The following ZNF224 variants were observed in gnomAD, a reference collection of about 807,000 sequenced individuals.
The protein encoded by ZNF224 is bone marrow zinc finger 2.
In ZNF224, 8 loss-of-function variants were observed where a neutral mutation model predicts 10.5. The ratio of observed to expected loss-of-function variants is 0.76; its 90% confidence interval spans 0.45 to 1.37. The LOEUF (loss-of-function observed/expected upper bound fraction) is 1.37, where lower values mean the gene tolerates loss of function less well. Ranked by LOEUF, ZNF224 falls within the 40% of genes most tolerant of loss-of-function variation. The pLI is 0.00. For missense variants in ZNF224, 754 were observed against 854.0 expected, an observed-to-expected ratio of 0.88 and a Z score of 1.46; for synonymous variants, 282 against 287.8, an observed-to-expected ratio of 0.98 and a Z score of 0.20.
rs894654347 is a variant in ZNF224 at position 44,101,151 on chromosome 19, G to A, written c.161G>A (p.Arg54Lys). The change falls in exon 5 of 6, where the codon AGG becomes AAG. Residue 54 changes from arginine to lysine, a missense_variant. By Grantham distance (26) the Arg-to-Lys change is conservative (BLOSUM62 2). Coordinates refer to ENST00000693561, the MANE Select transcript of ZNF224 (RefSeq NM_001321645.3). Reference sequence around the variant, plus strand: ...TTTGCAGGACATCAAGCATTCCACAGGGATACTTTCCACTTCCTAAGGGAA... The same window carrying A: ...TTTGCAGGACATCAAGCATTCCACAAGGATACTTTCCACTTCCTAAGGGAA... Reference protein sequence around the residue: ...LLSVGHQAFHRDTFHFLREEK... With the variant: ...LLSVGHQAFHKDTFHFLREEK... The A allele has an allele frequency of 1.2e-6, 2 of 1,614,146 alleles. No homozygotes were observed. The highest frequency in any genetic ancestry group is 4.5e-5 in the East Asian group (2 of 44,886).
Position 44,106,823 on chromosome 19 carries a change from T to G in ZNF224, c.663T>G (p.Thr221=), listed in dbSNP as rs1967676031. ...TCAGTCAGAGTTCACATCTGCAAAC[T>G]CATCAGAGAGTCCACACTGGAGAGA... ...KEFSQSSHLQ[T]HQRVHTGEKP... Residue 221 remains threonine (T), a synonymous_variant, in exon 6 of 6, where the codon ACT becomes ACG. Transcript: ENST00000693561. 1.2e-6 allele frequency: 2 copies of G among 1,613,688 alleles called. No individual in the cohort carries two copies. Among genetic ancestry groups the G allele is most frequent in the Middle Eastern group, 1.6e-4 (1 of 6,082 alleles).
In ZNF224 at chr19:44,108,325, A is replaced by C. The variant is rs750079728; in HGVS notation, c.*41A>C. 2.6e-6 allele frequency: 4 copies of C among 1,547,098 alleles called. No homozygotes were observed. The African/African-American group carries it at 5.5e-5, about 21-fold the overall frequency. ...ATAAAGTCTTCACTCAGTCTTCATG[A>C]ATGCAGTCTCATCTGAAAGTTCACA... On this transcript the variant is annotated 3_prime_UTR_variant, in exon 6 of 6. Coordinates refer to ENST00000693561, the MANE Select transcript of ZNF224 (RefSeq NM_001321645.3).
chr19:44,097,050 G>T (rs1909556704), intron 2 of ZNF224: 1 of 230,220 alleles, frequency 4.3e-6, no homozygotes, highest in Non-Finnish European at 8.9e-6. Context: ...TGTCCACTTG[G>T]CCGAGACGCT....
rs1295225589 is a variant in ZNF224, at chr19:44,094,513, C to A, written c.-175C>A. 6.6e-6 allele frequency: 1 copy of A among 152,396 alleles called. No homozygotes were observed. The highest frequency in any genetic ancestry group is 2.4e-5 in the African/African-American group (1 of 41,426). 9.4% of individuals were successfully genotyped at this position (152,396 alleles called of 1,614,324 possible). A position where few individuals can be genotyped will look rare whatever the true frequency, so the allele number is the denominator to read the frequency against. Reference sequence around the variant, plus strand: ...GGTGATCGAATTAGGGGAAAAGGGGCCTCGTCGGAGAGTAGAGGTTTGGAG... The same window carrying A: ...GGTGATCGAATTAGGGGAAAAGGGGACTCGTCGGAGAGTAGAGGTTTGGAG... On this transcript the variant is annotated 5_prime_UTR_variant, in exon 1 of 6. Coordinates refer to ENST00000693561, the MANE Select transcript of ZNF224 (RefSeq NM_001321645.3).
Position 44,107,718 on chromosome 19 carries a change from G to A in ZNF224, c.1558G>A (p.Gly520Ser), listed in dbSNP as rs763764360. 9.3e-6 allele frequency: 15 copies of A among 1,613,516 alleles called. No individual in the cohort carries two copies. Among genetic ancestry groups the A allele is most frequent in the Admixed American group, 6.7e-5 (4 of 59,942 alleles). The stretch of plus-strand genomic sequence containing the variant: ...ATACAAATGTGAGAAGTGTGGAAAG[G>A]GCTACAATAGTAAGTTTAATCTTGA... ...KPYKCEKCGK[G>S]YNSKFNLDMH... is the part of the protein sequence containing the mutation. The change falls in exon 6 of 6, where the codon GGC becomes AGC. Residue 520 changes from glycine to serine, a missense_variant. Physicochemically the swap from Gly to Ser is moderately conservative, Grantham distance 56. Coordinates refer to ENST00000693561, the MANE Select transcript of ZNF224 (RefSeq NM_001321645.3).
intron 5 of ZNF224, among the ~76,000 whole-genome samples, chr19:44,103,807 C>T (rs1028237382): frequency 2.0e-5 from 3 of 152,112 alleles, no homozygotes; most frequent in Admixed American, 2.0e-4. Flanking sequence ...TCTCATACCT[C>T]GGCCTCCCAC....
rs1041061949 is a variant in ZNF224 at position 44,109,103 on chromosome 19, A to G, written c.*819A>G. 1 of 160,236 alleles carries G rather than the reference A, an allele frequency of 6.2e-6. No individual in the cohort carries two copies. Among genetic ancestry groups the G allele is most frequent in the Non-Finnish European group, 1.4e-5 (1 of 72,662 alleles). 9.9% of individuals were successfully genotyped at this position (160,236 alleles called of 1,614,324 possible). A position where few individuals can be genotyped will look rare whatever the true frequency, so the allele number is the denominator to read the frequency against. ...TATCTTTTGTAGTTTTTCTCACAGT[A>G]TAGACTGAAAAGGTTTGGTTAATTT... On this transcript the variant is annotated 3_prime_UTR_variant, in exon 6 of 6. Transcript: ENST00000693561.
Position 44,107,092 on chromosome 19 carries a change from C to A in ZNF224, c.932C>A (p.Thr311Lys), listed in dbSNP as rs140681283. ...SRLNRHSMVH[T>K]AEKPFRCDTC... The stretch of plus-strand genomic sequence containing the variant: ...CTTAATAGGCATTCCATGGTTCACA[C>A]GGCAGAGAAACCATTCCGATGTGAT... The change falls in exon 6 of 6, where the codon ACG becomes AAG. Residue 311 changes from threonine to lysine, a missense_variant. Thr to Lys is a moderately conservative substitution (Grantham distance 78, BLOSUM62 -1). Transcript: ENST00000693561. The A allele has an allele frequency of 1.2e-6, 2 of 1,601,666 alleles. No homozygotes were observed. Among genetic ancestry groups the A allele is most frequent in the South Asian group, 2.2e-5 (2 of 88,934 alleles).
At position 44,108,558 on chromosome 19, in the gene ZNF224, A is replaced by G. The variant is rs1266623918; in HGVS notation, c.*274A>G. 2.5e-5 allele frequency: 12 copies of G among 471,006 alleles called. No homozygotes were observed. Among genetic ancestry groups the G allele is most frequent in the Non-Finnish European group, 4.4e-5 (11 of 250,530 alleles). 29.2% of individuals were successfully genotyped at this position (471,006 alleles called of 1,614,324 possible). On this transcript the variant is annotated 3_prime_UTR_variant, in exon 6 of 6. Coordinates refer to ENST00000693561, the MANE Select transcript of ZNF224 (RefSeq NM_001321645.3). ...GGAGAATCCTTGTAAATGGTGCAAT[A>G]AAGCTTCATTCAGAAGTTTGATAAT...
chr19:44,098,637 G>A (rs1759574096), intron 3 of ZNF224, among the ~76,000 whole-genome samples: 1 of 151,854 alleles, frequency 6.6e-6, no homozygotes, highest in Admixed American at 6.6e-5. Context: ...AGGCTGGAGT[G>A]CAATGGTGCG....
At position 44,104,865 on chromosome 19, in the gene ZNF224, T is replaced by C. The variant is rs111969571; in HGVS notation, c.236-1531T>C. Reference sequence around the variant, plus strand: ...TTTTAGTAGAGATGGTGTTTCACCATGTTAGCCAGGATGGTCTCGATCTCC... The same window carrying C: ...TTTTAGTAGAGATGGTGTTTCACCACGTTAGCCAGGATGGTCTCGATCTCC... On this transcript the variant is annotated intron_variant, in intron 5 of 5. Coordinates refer to ENST00000693561, the MANE Select transcript of ZNF224 (RefSeq NM_001321645.3). Among the ~76,000 whole-genome samples, 1,237 of 152,332 alleles carry C rather than the reference T, an allele frequency of 8.1e-3. 25 individuals carry two copies. The highest frequency in any genetic ancestry group is 0.028 in the African/African-American group (1,185 of 41,582).
chr19:44,106,160 A>G (rs1389652435), intron 5 of ZNF224: 4 of 538,464 alleles, frequency 7.4e-6, no homozygotes, highest in Non-Finnish European at 1.3e-5. Flanking sequence ...TTCTCACCAC[A>G]CCCATGTCAA....
At position 44,107,439 on chromosome 19, in the gene ZNF224, C is replaced by T; in HGVS notation, c.1279C>T (p.Pro427Ser). 6.2e-7 allele frequency: 1 copy of T among 1,608,162 alleles called. No individual in the cohort carries two copies. Among genetic ancestry groups the T allele is most frequent in the Non-Finnish European group, 8.5e-7 (1 of 1,177,870 alleles). ...SHQRSHSGEK[P>S]YKCVECGKGY... ...CCAGAGATCCCATAGTGGAGAAAAA[C>T]CATACAAATGTGTGGAGTGTGGGAA... Residue 427 changes from proline (P) to serine (S), a missense_variant, in exon 6 of 6, where the codon CCA becomes TCA. Physicochemically the swap from Pro to Ser is moderately conservative, Grantham distance 74. Transcript: ENST00000693561.
intron 5 of ZNF224, among the ~76,000 whole-genome samples, chr19:44,102,190 A>G (rs557255958): frequency 2.0e-5 from 3 of 152,284 alleles, no homozygotes; most frequent in African/African-American, 7.2e-5. Flanking sequence ...CTGTCACCTC[A>G]AAACCTTCTG....
intron 1 of ZNF224, chr19:44,095,382 A>G (rs1050376163): frequency 2.6e-5 from 4 of 152,236 alleles, no homozygotes; most frequent in African/African-American, 9.7e-5. Context: ...GCACCCGACT[A>G]GTGAGAGGTG....
In ZNF224 at chr19:44,097,822, CCAGGAA is replaced by C; in HGVS notation, c.-50_-45del. ...ACTTTGCAGGCACAATTCTGCTTTC[CCAGGAA>C]CTGCATCACTCAGGACTCTGCAAGT... On this transcript the variant is annotated 5_prime_UTR_variant, in exon 3 of 6. Transcript: ENST00000693561. 1 of 1,607,082 alleles carries C rather than the reference CCAGGAA, an allele frequency of 6.2e-7. No homozygotes were observed.
chr19:44,099,349 G>GT (rs559114765), intron 3 of ZNF224, among the ~76,000 whole-genome samples: 59 of 152,210 alleles, frequency 3.9e-4, no homozygotes, highest in Admixed American at 5.9e-4. Context: ...ACCAGAAAAT[G>GT]TAACAGTCTA....
chr19:44,106,177 T>C, intron 5 of ZNF224: 1 of 572,896 alleles, frequency 1.7e-6, no homozygotes, highest in Admixed American at 3.3e-5. Flanking sequence ...TCAACATCTA[T>C]TGTTTTTCGT....
At chr19:44,102,414 A>C (rs1967567926) in intron 5 of ZNF224, among the ~76,000 whole-genome samples, 1 of 152,232 alleles carries the variant, frequency 6.6e-6, no homozygotes, top group African/African-American at 2.4e-5. Context: ...CAGTGCCTAG[A>C]ATGGTCCTGG....
Sources: allele counts gnomAD v4.1 joint callset (sites outside exome capture counted in the v4.1 genomes callset), GRCh38; gene constraint gnomAD v4.1.1; transcripts MANE v1.5; gene names NCBI Gene and HGNC (gene_info 2026-07-23, HGNC 2026-07-21).